The following HMGB1 variants were observed in gnomAD, a reference collection of about 807,000 sequenced individuals.
HMGB1 encodes high mobility group protein B1.
For synonymous variants in HMGB1, 81 were observed against 84.0 expected (o/e 0.96, Z 0.19); for missense variants, 79 against 253.5 (o/e 0.31, Z 4.67).
intron 1 of HMGB1, among the ~76,000 whole-genome samples, chr13:30,548,388 A>G (rs1258864454): frequency 6.6e-6 from 1 of 152,232 alleles, no homozygotes; most frequent in East Asian, 1.9e-4. Flanking sequence ...CTGTGAGTCA[A>G]TTAAACTTCT....
chr13:30,458,159 T>C lies in HMGB1; in HGVS notation c.*3198A>G, dbSNP rs541050302. 1 of 152,244 alleles carries C rather than the reference T, an allele frequency of 6.6e-6. No individual in the cohort carries two copies. The highest frequency in any genetic ancestry group is 2.4e-5 in the African/African-American group (1 of 41,550). The allele number at this position is 152,244 out of a possible 1,614,324, so 9.4% of individuals were successfully genotyped here. On this transcript the variant is annotated 3_prime_UTR_variant, in exon 5 of 5. Coordinates refer to ENST00000341423, the MANE Select transcript of HMGB1 (RefSeq NM_002128.7). Reference sequence around the variant, plus strand: ...ACTGCTACTGAAAGCTATCAGACCCTTTCAGGAGGCGTGTTGTACCAAGCA... The same window carrying C: ...ACTGCTACTGAAAGCTATCAGACCCCTTCAGGAGGCGTGTTGTACCAAGCA...
chr13:30,573,283 G>C (rs1240086661), intron 1 of HMGB1, among the ~76,000 whole-genome samples: 1 of 152,092 alleles, frequency 6.6e-6, no homozygotes, highest in East Asian at 1.9e-4. Flanking sequence ...CAAATTGACA[G>C]AAACACATTC....
chr13:30,576,605 C>T (rs1318201324), intron 1 of HMGB1, among the ~76,000 whole-genome samples: 4 of 151,826 alleles, frequency 2.6e-5, no homozygotes, highest in Non-Finnish European at 5.9e-5. Flanking sequence ...TGTCTTCTCA[C>T]TCTACATGTT....
intron 1 of HMGB1, among the ~76,000 whole-genome samples, chr13:30,605,804 G>A (rs1454370893): frequency 6.6e-6 from 1 of 151,972 alleles, no homozygotes; most frequent in Non-Finnish European, 1.5e-5. Context: ...AGAATTGTTT[G>A]ACAACCACCC....
chr13:30,516,181 A>G (rs8001989), intron 1 of HMGB1, among the ~76,000 whole-genome samples: 5,462 of 152,326 alleles, frequency 0.036, 300 homozygotes, highest in African/African-American at 0.13. Flanking sequence ...CCTCTTGCAG[A>G]AATGCAATTT....
chr13:30,515,413 G>C (rs1888080861), intron 1 of HMGB1, among the ~76,000 whole-genome samples: 1 of 152,146 alleles, frequency 6.6e-6, no homozygotes, highest in Non-Finnish European at 1.5e-5. Flanking sequence ...GCTGCTTGAA[G>C]CCTCTGTTTG....
At chr13:30,464,512 AGG>A in intron 1 of HMGB1, 1 of 984,004 alleles carries the variant, frequency 1.0e-6, no homozygotes, top group Non-Finnish European at 1.2e-6. Context: ...CGCGCGGCCG[AGG>A]AGAGAGGACG....
intron 1 of HMGB1, among the ~76,000 whole-genome samples, chr13:30,549,163 G>A (rs9508793): frequency 0.63 from 95,393 of 151,188 alleles, 30,716 homozygotes; most frequent in Middle Eastern, 0.76. Flanking sequence ...TGGTCATGCT[G>A]GTATACACCT....
intron 1 of HMGB1, among the ~76,000 whole-genome samples, chr13:30,575,776 C>T (rs1456966592): frequency 1.3e-5 from 2 of 152,142 alleles, no homozygotes; most frequent in Admixed American, 6.5e-5. Flanking sequence ...TGCTTAGGTG[C>T]ATGGTGACAC....
chr13:30,573,726 C>A (rs534652685), intron 1 of HMGB1, among the ~76,000 whole-genome samples: 1 of 151,630 alleles, frequency 6.6e-6, no homozygotes, highest in South Asian at 2.1e-4. Flanking sequence ...TCATGGCTCA[C>A]TGCAGCCTCA....
rs1233009041 is a variant in HMGB1, at chr13:30,460,835, CA to C, written c.*521del. The C allele has an allele frequency of 6.5e-6, 1 of 153,488 alleles. No individual in the cohort carries two copies. Among genetic ancestry groups the C allele is most frequent in the African/African-American group, 2.4e-5 (1 of 41,396 alleles). 9.5% of individuals were successfully genotyped at this position (153,488 alleles called of 1,614,324 possible). ...TCATGTGATTCAAAATGGGCAAAAG[CA>C]AAAGACTAGCTTCCCCTCAAGAAGA... is the stretch of plus-strand genomic sequence containing the variant. On this transcript the variant is annotated 3_prime_UTR_variant, in exon 5 of 5. Coordinates refer to ENST00000341423, the MANE Select transcript of HMGB1 (RefSeq NM_002128.7).
intron 1 of HMGB1, among the ~76,000 whole-genome samples, chr13:30,600,007 T>C (rs943898159): frequency 2.0e-5 from 3 of 152,218 alleles, no homozygotes; most frequent in Non-Finnish European, 4.4e-5. Context: ...ATTTTTCCTA[T>C]AGAAACCCAA....
intron 1 of HMGB1, among the ~76,000 whole-genome samples, chr13:30,577,369 A>G (rs1358308506): frequency 1.3e-5 from 2 of 150,552 alleles, no homozygotes; most frequent in Non-Finnish European, 3.0e-5. Flanking sequence ...AAGGCCATAT[A>G]TAGCCCAGAA....
chr13:30,580,834 T>A (rs1402554138), intron 1 of HMGB1, among the ~76,000 whole-genome samples: 1 of 152,218 alleles, frequency 6.6e-6, no homozygotes, highest in East Asian at 1.9e-4. Context: ...CTCAATAGCT[T>A]GTCTTTATCC....
intron 1 of HMGB1, among the ~76,000 whole-genome samples, chr13:30,556,693 G>A (rs964888836): frequency 2.6e-5 from 4 of 152,158 alleles, no homozygotes; most frequent in African/African-American, 9.7e-5. Flanking sequence ...ACTCATATGC[G>A]AAAGCTAAAA....
intron 1 of HMGB1, among the ~76,000 whole-genome samples, chr13:30,613,490 G>C (rs1200390270): frequency 6.6e-6 from 1 of 152,192 alleles, no homozygotes; most frequent in African/African-American, 2.4e-5. Context: ...CAAACCTGTT[G>C]TTACATCACT....
intron 1 of HMGB1, among the ~76,000 whole-genome samples, chr13:30,495,699 C>T (rs942865625): frequency 3.3e-5 from 5 of 152,138 alleles, no homozygotes; most frequent in Admixed American, 6.5e-5. Flanking sequence ...AGGATGGTCT[C>T]GATCTCCTGA....
intron 1 of HMGB1, among the ~76,000 whole-genome samples, chr13:30,539,263 G>T (rs528670663): frequency 6.5e-4 from 99 of 152,314 alleles, no homozygotes; most frequent in African/African-American, 2.3e-3. Flanking sequence ...GGTACAAAAT[G>T]AACATTTTGT....
chr13:30,485,927 G>C (rs190323887), intron 1 of HMGB1, among the ~76,000 whole-genome samples: 1 of 152,306 alleles, frequency 6.6e-6, no homozygotes, highest in Admixed American at 6.5e-5. Context: ...ATTGGATCTA[G>C]AGAAAGTCAG....
Sources: gnomAD v4.1 joint callset for allele counts (sites outside exome capture counted in the v4.1 genomes callset) on GRCh38, gnomAD v4.1.1 for gene constraint, MANE v1.5 for transcripts, NCBI Gene and HGNC (gene_info 2026-07-23, HGNC 2026-07-21) for gene names.